The following SPRED2 variants were observed in gnomAD, a reference collection of about 807,000 sequenced individuals.
The protein encoded by SPRED2 is sprouty-related, EVH1 domain-containing protein 2.
SPRED2 carries 47 observed loss-of-function variants against 43.0 expected under a neutral mutation model. That is an observed-to-expected ratio of 1.09 (90% CI 0.87 to 1.40). SPRED2 has a LOEUF of 1.40. SPRED2 is among the 40% of genes most tolerant of loss of function. The pLI is 0.00. For missense variants in SPRED2, 561 were observed against 586.4 expected (o/e 0.96, Z 0.45); for synonymous variants, 225 against 225.7 (o/e 1.00, Z 0.03).
chr2:65,326,603 T>C (rs1409969295), intron 4 of SPRED2, among the ~76,000 whole-genome samples: 1 of 152,166 alleles, frequency 6.6e-6, no homozygotes, highest in Non-Finnish European at 1.5e-5. Context: ...TCTAGGACAT[T>C]ATCCTCTCTC....
chr2:65,430,721 G>C (rs1284692803), intron 1 of SPRED2, among the ~76,000 whole-genome samples: 2 of 152,156 alleles, frequency 1.3e-5, no homozygotes, highest in Non-Finnish European at 2.9e-5. Context: ...CTGCCAACCA[G>C]CTCTTTGCGC....
At chr2:65,349,436 A>G (rs1674446455) in intron 1 of SPRED2, among the ~76,000 whole-genome samples, 2 of 152,146 alleles carry the variant, frequency 1.3e-5, no homozygotes, top group Non-Finnish European at 2.9e-5. Flanking sequence ...AAACAAAAAA[A>G]CCTAAGGGTC....
At chr2:65,334,190 C>T (rs760855938) in intron 3 of SPRED2, 1 of 471,662 alleles carries the variant, frequency 2.1e-6, no homozygotes, top group Non-Finnish European at 4.4e-6. Context: ...CAGCTGTACA[C>T]CCTGGGCCTC....
At chr2:65,359,277 T>C (rs1003065550) in intron 1 of SPRED2, among the ~76,000 whole-genome samples, 13 of 152,248 alleles carry the variant, frequency 8.5e-5, no homozygotes, top group African/African-American at 3.1e-4. Context: ...ATTTCCCATG[T>C]TACTTTCCTG....
intron 1 of SPRED2, among the ~76,000 whole-genome samples, chr2:65,426,225 T>C (rs1335071745): frequency 6.6e-6 from 1 of 152,200 alleles, no homozygotes; most frequent in East Asian, 1.9e-4. Context: ...TACCACCAGA[T>C]AGTTCTGCAT....
intron 1 of SPRED2, among the ~76,000 whole-genome samples, chr2:65,374,895 A>T (rs925034398): frequency 2.0e-5 from 3 of 152,256 alleles, no homozygotes; most frequent in African/African-American, 4.8e-5. Context: ...TCCTCCTCTC[A>T]GGTATCCCCA....
intron 1 of SPRED2, among the ~76,000 whole-genome samples, chr2:65,406,539 T>C (rs1572898000): frequency 6.6e-6 from 1 of 152,296 alleles, no homozygotes; most frequent in East Asian, 1.9e-4. Context: ...AGAAATAAAG[T>C]TGGTCATTAT....
intron 4 of SPRED2, among the ~76,000 whole-genome samples, chr2:65,317,858 G>A (rs76855432): frequency 2.0e-5 from 3 of 152,134 alleles, no homozygotes; most frequent in African/African-American, 7.2e-5. Context: ...CTCTGTGAAG[G>A]GGGAGTACAG....
At chr2:65,341,268 T>G (rs1401111912) in intron 2 of SPRED2, among the ~76,000 whole-genome samples, 1 of 151,158 alleles carries the variant, frequency 6.6e-6, no homozygotes, top group Non-Finnish European at 1.5e-5. Flanking sequence ...GACATATGGG[T>G]GTGTGACTTA....
chr2:65,334,066 GCC>G, intron 3 of SPRED2: 1 of 369,142 alleles, frequency 2.7e-6, no homozygotes, highest in Non-Finnish European at 5.4e-6. Context: ...CTGCCCAAGG[GCC>G]CTCCAGGCCA....
intron 1 of SPRED2, among the ~76,000 whole-genome samples, chr2:65,431,437 C>T (rs1051942981): frequency 1.6e-4 from 25 of 152,050 alleles, no homozygotes; most frequent in African/African-American, 6.0e-4. Flanking sequence ...GCCTGTCCTC[C>T]TCTCGCTCCG....
chr2:65,352,919 C>T (rs1038189523), intron 1 of SPRED2, among the ~76,000 whole-genome samples: 1 of 152,208 alleles, frequency 6.6e-6, no homozygotes, highest in South Asian at 2.1e-4. Context: ...CCACCAGGCC[C>T]AGCCAGCTTT....
rs111666129 is a variant in SPRED2 at position 65,397,654 on chromosome 2, T to C, written c.26+34308A>G. On this transcript the variant is annotated intron_variant, in intron 1 of 5. Coordinates refer to ENST00000356388, the MANE Select transcript of SPRED2 (RefSeq NM_181784.3). ...CCTTTACTCACAATACAAGGTAACA[T>C]ATGTATAATCCACAGACCCAGGCCT... Among the ~76,000 whole-genome samples, 577 of 149,060 alleles carry C rather than the reference T, an allele frequency of 3.9e-3. 1 individual carries two copies. Among genetic ancestry groups the C allele is most frequent in the African/African-American group, 0.013 (540 of 40,528 alleles).
At chr2:65,366,781 G>C in intron 1 of SPRED2, 5 of 1,342,740 alleles carry the variant, frequency 3.7e-6, no homozygotes, top group Non-Finnish European at 4.8e-6. Context: ...TACCGGATGA[G>C]TCATCCGAGG....
intron 1 of SPRED2, chr2:65,377,776 C>A (rs1335070455): frequency 6.5e-6 from 3 of 460,704 alleles, no homozygotes; most frequent in East Asian, 1.4e-4. Flanking sequence ...ACTGTCAAAG[C>A]GGCAGTCCTC....
intron 1 of SPRED2, among the ~76,000 whole-genome samples, chr2:65,410,072 G>C (rs1676120230): frequency 6.7e-6 from 1 of 148,960 alleles, no homozygotes. Flanking sequence ...CAAAAAAAAA[G>C]TATAACATCT....
intron 1 of SPRED2, among the ~76,000 whole-genome samples, chr2:65,353,137 G>A (rs1207104894): frequency 6.6e-6 from 1 of 152,172 alleles, no homozygotes; most frequent in Admixed American, 6.5e-5. Flanking sequence ...TCCTGCTTAT[G>A]TGCAGGAGCC....
chr2:65,350,517 T>G (rs10186240), intron 1 of SPRED2, among the ~76,000 whole-genome samples: 102,824 of 151,900 alleles, frequency 0.68, 35,719 homozygotes, highest in African/African-American at 0.84. Context: ...TATTCTTTAG[T>G]TGTGTTATGA....
At chr2:65,333,053 G>C (rs965832919) in intron 3 of SPRED2, among the ~76,000 whole-genome samples, 1 of 152,022 alleles carries the variant, frequency 6.6e-6, no homozygotes, top group African/African-American at 2.4e-5. Flanking sequence ...AGATCACGAG[G>C]TCAGGAGTTC....
Sources: allele counts gnomAD v4.1 joint callset (sites outside exome capture counted in the v4.1 genomes callset), GRCh38; gene constraint gnomAD v4.1.1; transcripts MANE v1.5; gene names NCBI Gene and HGNC (gene_info 2026-07-23, HGNC 2026-07-21).